The following ATP8B4 variants were observed in gnomAD, a reference collection of about 807,000 sequenced individuals.
The protein encoded by ATP8B4 is ATPase phospholipid transporting 8B4 (putative).
A neutral mutation model predicts 145.6 loss-of-function variants in ATP8B4; 133 were observed. The ratio of observed to expected loss-of-function variants is 0.91; its 90% CI spans 0.79 to 1.05. The LOEUF is 1.05. Ranked by LOEUF, ATP8B4 falls within the 50% of genes least tolerant of loss-of-function variation. ATP8B4 has a pLI of 0.00. For synonymous variants in ATP8B4, 507 were observed against 492.9 expected (o/e 1.03, Z -0.38); for missense variants, 1,458 against 1,425.2 (o/e 1.02, Z -0.37).
chr15:50,179,838 T>C (rs1249813116), intron 1 of ATP8B4, among the ~76,000 whole-genome samples: 1 of 152,224 alleles, frequency 6.6e-6, no homozygotes, highest in Admixed American at 6.5e-5. Flanking sequence ...TAAATTTCTG[T>C]TGTTTATAAA....
intron 10 of ATP8B4, among the ~76,000 whole-genome samples, chr15:49,981,939 T>C (rs186074220): frequency 6.6e-6 from 1 of 152,326 alleles, no homozygotes; most frequent in East Asian, 1.9e-4. Flanking sequence ...ATTCTAAGAA[T>C]ATAATCAACT....
chr15:49,877,729 C>T lies in ATP8B4; in HGVS notation c.2782-1206G>A, dbSNP rs557025371. Among the ~76,000 whole-genome samples, 66 of 152,162 alleles carry T rather than the reference C, an allele frequency of 4.3e-4. No individual in the cohort carries two copies. In the South Asian group the frequency reaches 0.013, roughly 31 times the overall value. ...ATGCCCAGAAATGCAAACAATAACACCTCCCACATGGAACTATCGCCATGA... is the reference window on the plus strand; with the variant it reads ...ATGCCCAGAAATGCAAACAATAACATCTCCCACATGGAACTATCGCCATGA... On this transcript the variant is annotated intron_variant, in intron 24 of 27. Coordinates refer to ENST00000284509, the MANE Select transcript of ATP8B4 (RefSeq NM_024837.4).
intron 6 of ATP8B4, among the ~76,000 whole-genome samples, chr15:50,015,898 G>A (rs896568309): frequency 6.6e-6 from 1 of 152,174 alleles, no homozygotes; most frequent in Non-Finnish European, 1.5e-5. Flanking sequence ...ACACAGGGAG[G>A]TCTCTGGTCA....
intron 1 of ATP8B4, among the ~76,000 whole-genome samples, chr15:50,156,379 T>G (rs1214391757): frequency 6.6e-6 from 1 of 151,918 alleles, no homozygotes; most frequent in Admixed American, 6.6e-5. Context: ...TTCATCACCT[T>G]AAGCAATTGT....
At chr15:50,061,619 A>G (rs1308154005) in intron 3 of ATP8B4, among the ~76,000 whole-genome samples, 1 of 152,170 alleles carries the variant, frequency 6.6e-6, no homozygotes, top group Non-Finnish European at 1.5e-5. Flanking sequence ...ATTCCAGTAT[A>G]CCCTGGAAGT....
At chr15:50,066,184 T>C (rs568574755) in intron 3 of ATP8B4, among the ~76,000 whole-genome samples, 1 of 152,230 alleles carries the variant, frequency 6.6e-6, no homozygotes, top group East Asian at 1.9e-4. Flanking sequence ...CCAAAAAATA[T>C]ATTTTCTCCT....
At chr15:50,178,218 G>A (rs970433919) in intron 1 of ATP8B4, among the ~76,000 whole-genome samples, 6 of 152,204 alleles carry the variant, frequency 3.9e-5, no homozygotes, top group African/African-American at 1.4e-4. Flanking sequence ...AATCTTGATA[G>A]AGGAAATGAA....
intron 20 of ATP8B4, among the ~76,000 whole-genome samples, chr15:49,907,101 C>T (rs1448995360): frequency 1.3e-5 from 2 of 152,182 alleles, no homozygotes; most frequent in African/African-American, 4.8e-5. Flanking sequence ...CCAACAACAA[C>T]CCTAAGAGAG....
chr15:50,158,579 C>T (rs1013260896), intron 1 of ATP8B4, among the ~76,000 whole-genome samples: 4 of 152,322 alleles, frequency 2.6e-5, no homozygotes, highest in Non-Finnish European at 5.9e-5. Context: ...CCCCTCTGCC[C>T]GGCCACCACC....
rs555257299 is a variant in ATP8B4 at position 49,954,910 on chromosome 15, CAT to C, written c.1287+7065_1287+7066del. ...CATTGCTATTCATAACAGCAAAAAA[CAT>C]AGAATAAACCCAGATGCCCATCAGC... On this transcript the variant is annotated intron_variant, in intron 14 of 27. Transcript: ENST00000284509. Among the ~76,000 whole-genome samples the C allele has an allele frequency of 9.1e-4, 139 of 152,274 alleles. 1 individual carries two copies. Among genetic ancestry groups the C allele is most frequent in the African/African-American group, 3.2e-3 (132 of 41,560 alleles).
At position 49,898,168 on chromosome 15, in the gene ATP8B4, A is replaced by C. The variant is rs1362743173; in HGVS notation, c.2373T>G (p.Thr791=). The C allele has an allele frequency of 6.2e-7, 1 of 1,613,942 alleles. No individual in the cohort carries two copies. ...MCKTVICCRV[T]PLQKAQVVEL... ...CTACCACTTGGGCTTTCTGGAGTGG[A>C]GTGACCCTGCAGCAAATTACAGTCT... The change falls in exon 22 of 28, where the codon ACT becomes ACG. Residue 791 remains threonine, a synonymous_variant. Coordinates refer to ENST00000284509, the MANE Select transcript of ATP8B4 (RefSeq NM_024837.4).
chr15:50,163,931 G>A (rs535636944), intron 1 of ATP8B4, among the ~76,000 whole-genome samples: 16 of 152,238 alleles, frequency 1.1e-4, no homozygotes, highest in African/African-American at 3.4e-4. Context: ...CTCATGGAAA[G>A]TACTGCCTGG....
chr15:50,103,004 C>T (rs531115821), intron 2 of ATP8B4, among the ~76,000 whole-genome samples: 3 of 152,258 alleles, frequency 2.0e-5, no homozygotes, highest in Admixed American at 6.5e-5. Flanking sequence ...ACATGATCAT[C>T]TCAATAGATG....
chr15:50,039,574 G>A lies in ATP8B4; in HGVS notation c.301-745C>T, dbSNP rs575267383. ...GTAGTAGGCTATAAGAGAAAAAAAA[G>A]TAATATAGAGAAAATGGTAATACCA... On this transcript the variant is annotated intron_variant, in intron 5 of 27. Coordinates refer to ENST00000284509, the MANE Select transcript of ATP8B4 (RefSeq NM_024837.4). 1.4e-4 allele frequency among the ~76,000 whole-genome samples: 22 copies of A among 152,270 alleles called. No homozygotes were observed. In the South Asian group the frequency reaches 2.7e-3, roughly 19 times the overall value.
chr15:49,863,791 C>T (rs966058800), intron 26 of ATP8B4, among the ~76,000 whole-genome samples: 3 of 152,146 alleles, frequency 2.0e-5, no homozygotes, highest in African/African-American at 4.8e-5. Context: ...AACCACACTC[C>T]TGTTTGCTGC....
intron 21 of ATP8B4, among the ~76,000 whole-genome samples, chr15:49,900,687 C>G (rs906120478): frequency 2.0e-5 from 3 of 152,116 alleles, no homozygotes; most frequent in African/African-American, 7.2e-5. Flanking sequence ...ACATGAAGGT[C>G]AGGTTGTGCT....
In ATP8B4 at chr15:49,934,258, C is replaced by G. The variant is rs2041539891; in HGVS notation, c.1288-76G>C. On this transcript the variant is annotated intron_variant, in intron 14 of 27. Coordinates refer to ENST00000284509, the MANE Select transcript of ATP8B4 (RefSeq NM_024837.4). ...TATCTTTTAAAATTCAAAAATAGTTCCCCCAAGTATTTTTAGTGTATTATT... is the reference window on the plus strand; with the variant it reads ...TATCTTTTAAAATTCAAAAATAGTTGCCCCAAGTATTTTTAGTGTATTATT... 9.6e-6 allele frequency: 14 copies of G among 1,465,594 alleles called. No homozygotes were observed. The South Asian group carries it at 1.8e-4, about 19-fold the overall frequency. The allele number at this position is 1,465,594 out of a possible 1,614,324, so 90.8% of individuals were successfully genotyped here. A position where few individuals can be genotyped will look rare whatever the true frequency, so the allele number is the denominator to read the frequency against.
In ATP8B4 at chr15:50,011,522, A is replaced by G. The variant is rs182018547; in HGVS notation, c.363-605T>C. 2.7e-3 allele frequency among the ~76,000 whole-genome samples: 410 copies of G among 152,294 alleles called. 1 individual carries two copies. The highest frequency in any genetic ancestry group is 0.02 in the Middle Eastern group (6 of 294). On this transcript the variant is annotated intron_variant, in intron 6 of 27. Coordinates refer to ENST00000284509, the MANE Select transcript of ATP8B4 (RefSeq NM_024837.4). ...GGACAGCAGCTCAGAATAGAGAACA[A>G]CACAGTCAACCTACTGCACTGCTTT...
intron 9 of ATP8B4, among the ~76,000 whole-genome samples, chr15:49,994,275 A>C (rs1466126494): frequency 5.3e-5 from 8 of 152,118 alleles, no homozygotes; most frequent in African/African-American, 1.9e-4. Context: ...TGGTCCTACA[A>C]GGCCACTTCA....
Sources: allele counts gnomAD v4.1 joint callset (sites outside exome capture counted in the v4.1 genomes callset), GRCh38; gene constraint gnomAD v4.1.1; transcripts MANE v1.5; gene names NCBI Gene and HGNC (gene_info 2026-07-23, HGNC 2026-07-21).